ZNF536: variants seen among roughly 807,000 people sequenced by gnomAD.
ZNF536 encodes zinc finger protein 536.
In ZNF536, 13 loss-of-function variants were observed where a neutral mutation model predicts 84.5. The ratio of observed to expected loss-of-function variants is 0.15; its 90% CI spans 0.10 to 0.24. The LOEUF (loss-of-function observed/expected upper bound fraction) is 0.24, where lower values mean the gene tolerates loss of function less well. Among genes scored for constraint, ZNF536 ranks in the 10% least tolerant of loss-of-function variants. The probability of loss-of-function intolerance (pLI) is 1.00; values close to 1 mark genes in which losing one functional copy is unlikely to be tolerated. For missense variants in ZNF536, 1,536 were observed against 1,747.5 expected (o/e 0.88, Z 2.16); for synonymous variants, 811 against 742.5 (o/e 1.09, Z -1.50).
At chr19:30,650,094 C>T (rs1021273796) in intron 1 of ZNF536, among the ~76,000 whole-genome samples, 1 of 152,152 alleles carries the variant, frequency 6.6e-6, no homozygotes, top group Non-Finnish European at 1.5e-5. Context: ...TTACTGAGTT[C>T]GAATGGGCAC....
chr19:30,383,650 CTTTCTCT>C (rs1568376206), intron 1 of ZNF536, among the ~76,000 whole-genome samples: 17 of 31,084 alleles, frequency 5.5e-4, no homozygotes, highest in African/African-American at 2.0e-3. Flanking sequence ...TCCTTCCTTT[CTTTCTCT>C]CTTTCTCTTT....
At chr19:30,400,749 A>G (rs1325945428) in intron 1 of ZNF536, among the ~76,000 whole-genome samples, 1 of 152,128 alleles carries the variant, frequency 6.6e-6, no homozygotes, top group Non-Finnish European at 1.5e-5. Flanking sequence ...CTTTCTACAT[A>G]TTAGATATGA....
At chr19:30,667,193 G>T (rs1361348533) in intron 1 of ZNF536, among the ~76,000 whole-genome samples, 1 of 152,204 alleles carries the variant, frequency 6.6e-6, no homozygotes, top group Non-Finnish European at 1.5e-5. Context: ...GACCTCCCGA[G>T]CACCAGGTAC....
At chr19:30,393,538 AG>A (rs1244135197) in intron 1 of ZNF536, among the ~76,000 whole-genome samples, 2 of 152,196 alleles carry the variant, frequency 1.3e-5, no homozygotes, top group African/African-American at 4.8e-5. Context: ...TTAGTCTGGC[AG>A]GTGCCTTAAG....
At chr19:30,538,225 C>T (rs1029358711) in intron 3 of ZNF536, among the ~76,000 whole-genome samples, 2 of 152,192 alleles carry the variant, frequency 1.3e-5, no homozygotes, top group Non-Finnish European at 2.9e-5. Flanking sequence ...CAGAGGACAG[C>T]AGTCTTATTA....
At chr19:30,511,281 C>T (rs1006202923) in intron 2 of ZNF536, among the ~76,000 whole-genome samples, 5 of 152,124 alleles carry the variant, frequency 3.3e-5, no homozygotes, top group African/African-American at 1.2e-4. Flanking sequence ...GACTCCTTCC[C>T]TTGTCTGATA....
At chr19:30,705,034 T>G (rs1028624647) in intron 1 of ZNF536, among the ~76,000 whole-genome samples, 2 of 151,912 alleles carry the variant, frequency 1.3e-5, no homozygotes, top group African/African-American at 4.8e-5. Flanking sequence ...TAGAGAGACA[T>G]TTGGAACTTT....
intron 1 of ZNF536, among the ~76,000 whole-genome samples, chr19:30,262,777 G>A (rs895199860): frequency 2.6e-5 from 4 of 152,162 alleles, no homozygotes; most frequent in Non-Finnish European, 5.9e-5. Context: ...CTGACTCTGC[G>A]ATGCCCACAC....
At chr19:30,385,775 C>A (rs1439409802) in intron 1 of ZNF536, among the ~76,000 whole-genome samples, 2 of 152,210 alleles carry the variant, frequency 1.3e-5, no homozygotes, top group East Asian at 1.9e-4. Context: ...AACTCCGCCT[C>A]CATCATGAAT....
chr19:30,455,560 G>A (rs923351193), intron 2 of ZNF536, among the ~76,000 whole-genome samples: 5 of 152,150 alleles, frequency 3.3e-5, no homozygotes, highest in Admixed American at 3.3e-4. Context: ...AAATTAGCCA[G>A]AGCGGTGGCA....
intron 1 of ZNF536, among the ~76,000 whole-genome samples, chr19:30,673,242 A>C (rs890525686): frequency 9.2e-5 from 14 of 152,172 alleles, no homozygotes; most frequent in African/African-American, 3.4e-4. Context: ...ATAGTGACAG[A>C]TCTGAGCAGA....
intron 1 of ZNF536, among the ~76,000 whole-genome samples, chr19:30,414,330 C>CT (rs2050623416): frequency 6.6e-6 from 1 of 151,872 alleles, no homozygotes; most frequent in South Asian, 2.1e-4. Context: ...GAAATTCTTT[C>CT]TTTTTTATAC....
chr19:30,587,043 A>G lies in ZNF536; in HGVS notation c.169+37529A>G, dbSNP rs2047117707. On this transcript the variant is annotated intron_variant, in intron 1 of 1. Coordinates refer to the ZNF536 transcript ENST00000592773. ...AAAAAGATTTCTAAATGTGTAAAGG[A>G]CAAATAACATGACTCTGTCCACACA... Among the ~76,000 whole-genome samples, 3 of 152,372 alleles carry G rather than the reference A, an allele frequency of 2.0e-5. No individual in the cohort carries two copies. The South Asian group carries it at 6.2e-4, about 32-fold the overall frequency.
At chr19:30,504,443 CCT>C in intron 2 of ZNF536, among the ~76,000 whole-genome samples, 2 of 143,784 alleles carry the variant, frequency 1.4e-5, no homozygotes, top group Non-Finnish European at 1.5e-5. Context: ...TTCCTTCCTT[CCT>C]CCCTTCCTTT....
At chr19:30,281,350 G>A (rs116062464) in intron 1 of ZNF536, among the ~76,000 whole-genome samples, 3,543 of 152,218 alleles carry the variant, frequency 0.023, 143 homozygotes, top group African/African-American at 0.08. Flanking sequence ...TGGAAGTTGC[G>A]GCCACTCTGT....
At chr19:30,522,269 A>ATATACATATATG (rs2044382453) in intron 2 of ZNF536, among the ~76,000 whole-genome samples, 1 of 9,564 alleles carries the variant, frequency 1.0e-4, no homozygotes, top group African/African-American at 1.9e-4. Context: ...ATACATATAT[A>ATATACATATATG]TATACATATA....
chr19:30,262,662 G>T (rs971843552), intron 1 of ZNF536, among the ~76,000 whole-genome samples: 1 of 152,202 alleles, frequency 6.6e-6, no homozygotes, highest in Non-Finnish European at 1.5e-5. Flanking sequence ...TGGGTGGCCA[G>T]GTGGTCAGAG....
At chr19:30,384,128 CTT>C (rs1384193164) in intron 1 of ZNF536, among the ~76,000 whole-genome samples, 5 of 66,876 alleles carry the variant, frequency 7.5e-5, no homozygotes, top group African/African-American at 3.0e-4. Context: ...TTCTTTCTTT[CTT>C]TCTTTCTTTC....
chr19:30,226,281 A>T (rs2022608355), upstream of ZNF536, among the ~76,000 whole-genome samples: 1 of 151,844 alleles, frequency 6.6e-6, no homozygotes, highest in South Asian at 2.1e-4. The surrounding 1 kb of genome is among the most constrained non-coding windows in gnomAD (Gnocchi z 4.6). Flanking sequence ...TGCTCAAGTG[A>T]CTTTCCCCAT....
Sources: allele counts gnomAD v4.1 joint callset (sites outside exome capture counted in the v4.1 genomes callset), GRCh38; gene constraint gnomAD v4.1.1; non-coding constraint Gnocchi (gnomAD v3.1); transcripts MANE v1.5; gene names NCBI Gene and HGNC (gene_info 2026-07-23, HGNC 2026-07-21).